The following PPP2R1A variants were observed in gnomAD, a reference collection of about 807,000 sequenced individuals.
The protein encoded by PPP2R1A is serine/threonine-protein phosphatase 2A 65 kDa regulatory subunit A alpha isoform.
A neutral mutation model predicts 67.1 loss-of-function variants in PPP2R1A; 15 were observed. That is an observed-to-expected ratio of 0.22 (90% CI 0.15 to 0.34). PPP2R1A has a LOEUF of 0.34. PPP2R1A is among the 10% of genes least tolerant of loss of function. The probability of loss-of-function intolerance (pLI) is 1.00; values close to 1 mark genes in which losing one functional copy is unlikely to be tolerated. For synonymous variants in PPP2R1A, 337 were observed against 325.0 expected, an observed-to-expected ratio of 1.04 and a Z score of -0.40; for missense variants, 369 against 775.0, an observed-to-expected ratio of 0.48 and a Z score of 6.22.
chr19:52,225,481 C>T (rs1208073114), intron 13 of PPP2R1A, among the ~76,000 whole-genome samples: 1 of 152,178 alleles, frequency 6.6e-6, no homozygotes, highest in Non-Finnish European at 1.5e-5. Context: ...TCAAAATCTT[C>T]TCTTATAGCT....
Position 52,220,248 on chromosome 19 carries a change from T to C in PPP2R1A, c.1362T>C (p.His454=). The C allele has an allele frequency of 1.2e-6, 2 of 1,613,786 alleles. No homozygotes were observed. Among genetic ancestry groups the C allele is most frequent in the Non-Finnish European group, 1.7e-6 (2 of 1,179,806 alleles). ...NSLCMAWLVD[H]VYAIREAATS... Reference sequence around the variant, plus strand: ...TGTGCATGGCCTGGCTTGTGGATCATGGTGAGTACCTTCACAGGAGCAGCA... The same window carrying C: ...TGTGCATGGCCTGGCTTGTGGATCACGGTGAGTACCTTCACAGGAGCAGCA... Residue 454 remains histidine (H), a splice_region_variant and synonymous_variant, in exon 11 of 15, where the codon CAT becomes CAC. Coordinates refer to ENST00000322088, the MANE Select transcript of PPP2R1A (RefSeq NM_014225.6).
intron 12 of PPP2R1A, among the ~76,000 whole-genome samples, chr19:52,221,704 C>T (rs201106674): frequency 7.9e-6 from 1 of 125,976 alleles, no homozygotes; most frequent in African/African-American, 3.2e-5. Context: ...TTTGCTTTTC[C>T]TACGATTATA....
chr19:52,219,898 G>T lies in PPP2R1A; in HGVS notation c.1302+34G>T. ...GGAGGCCTGGGGGCCAGGCAGTGCT[G>T]CCTCAGGGGAGGTGCAGTATGTCCA... On this transcript the variant is annotated intron_variant, in intron 10 of 14. Transcript: ENST00000322088. This position sits in a 1 kb window ranked among gnomAD's most constrained non-coding sequence, Gnocchi z 4.0. 1 of 1,589,346 alleles carries T rather than the reference G, an allele frequency of 6.3e-7. No homozygotes were observed.
chr19:52,208,945 C>G (rs368247460), intron 3 of PPP2R1A, among the ~76,000 whole-genome samples: 19 of 152,302 alleles, frequency 1.2e-4, no homozygotes, highest in African/African-American at 4.6e-4. Flanking sequence ...CCCTTGCCCC[C>G]AGACTTCACA....
In PPP2R1A at chr19:52,194,088, C is replaced by CAAAAAAAAAAAAAAAAAAAAAAAAA. The variant is rs915576804; in HGVS notation, c.78+3938_78+3939insAAAAAAAAAAAAAAAAAAAAAAAAA. 2.8e-4 allele frequency among the ~76,000 whole-genome samples: 17 copies of CAAAAAAAAAAAAAAAAAAAAAAAAA among 60,508 alleles called. 1 individual carries two copies. The highest frequency in any genetic ancestry group is 7.3e-4 in the South Asian group (1 of 1,374). 39.7% of individuals were successfully genotyped at this position (60,508 alleles called of 152,430 possible). A position where few individuals can be genotyped will look rare whatever the true frequency, so the allele number is the denominator to read the frequency against. ...CTGGGCGACAGCAAGACCCTGTCTC[C>CAAAAAAAAAAAAAAAAAAAAAAAAA]AAAAAAAAAAAAAAAAAAAAAAAAG... On this transcript the variant is annotated intron_variant, in intron 1 of 14. Coordinates refer to ENST00000322088, the MANE Select transcript of PPP2R1A (RefSeq NM_014225.6).
intron 10 of PPP2R1A, 85 bp from the exon 11 acceptor site, chr19:52,220,103 GT>G: frequency 6.9e-7 from 1 of 1,443,948 alleles, no homozygotes; most frequent in South Asian, 1.2e-5. Context: ...TCTAGGGTGG[GT>G]GTAGGTTCCA....
chr19:52,201,685 G>A, intron 1 of PPP2R1A: 1 of 484,012 alleles, frequency 2.1e-6, no homozygotes, highest in South Asian at 2.2e-5. Context: ...GTCCTGGAAA[G>A]TGCAACTGAG....
intron 13 of PPP2R1A, 185 bp downstream of exon 13, chr19:52,222,426 A>C: frequency 3.5e-6 from 3 of 862,826 alleles, no homozygotes; most frequent in Non-Finnish European, 4.9e-6. Flanking sequence ...ACAGCATGAA[A>C]TAGAAAGAGG....
At position 52,212,998 on chromosome 19, in the gene PPP2R1A, C is replaced by T; in HGVS notation, c.695C>T (p.Ala232Val). 2.5e-6 allele frequency: 4 copies of T among 1,611,066 alleles called. No homozygotes were observed. Among genetic ancestry groups the T allele is most frequent in the Non-Finnish European group, 3.4e-6 (4 of 1,178,926 alleles). ...GCGGTGGAGGCGTGCGTGAACATCGCCCAGCTTCTGCCCCAGGAGGATCTG... is the reference window on the plus strand; with the variant it reads ...GCGGTGGAGGCGTGCGTGAACATCGTCCAGCTTCTGCCCCAGGAGGATCTG... ...LLAVEACVNI[A>V]QLLPQEDLEA... The change falls in exon 6 of 15, where the codon GCC becomes GTC. Residue 232 changes from alanine to valine, a missense_variant. By Grantham distance (64) the Ala-to-Val change is moderately conservative (BLOSUM62 0). Coordinates refer to ENST00000322088, the MANE Select transcript of PPP2R1A (RefSeq NM_014225.6). This position sits in a 1 kb window ranked among gnomAD's most constrained non-coding sequence, Gnocchi z 4.1.
At position 52,212,853 on chromosome 19, in the gene PPP2R1A, C is replaced by T. The variant is rs2122336334; in HGVS notation, c.651+20C>T. On this transcript the variant is annotated intron_variant, in intron 5 of 14. Coordinates refer to ENST00000322088, the MANE Select transcript of PPP2R1A (RefSeq NM_014225.6). The surrounding 1 kb of genome is among the most constrained non-coding windows in gnomAD (Gnocchi z 4.1). ...GAGCAGGTGAGTTTTGCTTCCTGGC[C>T]CTCTGCTCTCCCGTCCTTCTGGTGG... is the stretch of plus-strand genomic sequence containing the variant. 1 of 1,583,432 alleles carries T rather than the reference C, an allele frequency of 6.3e-7. No individual in the cohort carries two copies. Among genetic ancestry groups the T allele is most frequent in the Non-Finnish European group, 8.6e-7 (1 of 1,162,842 alleles).
chr19:52,205,945 T>G lies in PPP2R1A; in HGVS notation c.170-18T>G. 6.2e-7 allele frequency: 1 copy of G among 1,603,952 alleles called. No homozygotes were observed. Among genetic ancestry groups the G allele is most frequent in the Non-Finnish European group, 8.5e-7 (1 of 1,171,100 alleles). The stretch of plus-strand genomic sequence containing the variant: ...GAGTTGAGATGGGATAGTCACGAAG[T>G]CTGTCTTGGTTCCACAGATACCATC... On this transcript the variant is annotated intron_variant, in intron 2 of 14. Coordinates refer to ENST00000322088, the MANE Select transcript of PPP2R1A (RefSeq NM_014225.6).
intron 1 of PPP2R1A, among the ~76,000 whole-genome samples, chr19:52,198,864 T>C (rs1301487930): frequency 1.3e-5 from 2 of 152,242 alleles, no homozygotes; most frequent in African/African-American, 4.8e-5. Context: ...AGAGCAGTTA[T>C]GAGGATTCAG....
intron 9 of PPP2R1A, among the ~76,000 whole-genome samples, chr19:52,217,725 C>T (rs928237923): frequency 6.6e-6 from 1 of 152,116 alleles, no homozygotes. Flanking sequence ...AGATTCCTCA[C>T]ATGTGCTTGC....
At position 52,213,185 on chromosome 19, in the gene PPP2R1A, G is replaced by A. The variant is rs2089690010; in HGVS notation, c.807+75G>A. 1.4e-6 allele frequency: 2 copies of A among 1,467,430 alleles called. No individual in the cohort carries two copies. Among genetic ancestry groups the A allele is most frequent in the East Asian group, 4.8e-5 (2 of 41,712 alleles). 90.9% of individuals were successfully genotyped at this position (1,467,430 alleles called of 1,614,324 possible). ...CTCAGAAGGGAAGCATATAGGAGCTGAGGTTTCCATTAGGCCGATGGAACC... is the reference window on the plus strand; with the variant it reads ...CTCAGAAGGGAAGCATATAGGAGCTAAGGTTTCCATTAGGCCGATGGAACC... On this transcript the variant is annotated intron_variant, in intron 6 of 14. Coordinates refer to ENST00000322088, the MANE Select transcript of PPP2R1A (RefSeq NM_014225.6). The surrounding 1 kb of genome is among the most constrained non-coding windows in gnomAD (Gnocchi z 4.2).
At chr19:52,221,513 A>G (rs1332520899) in intron 12 of PPP2R1A, among the ~76,000 whole-genome samples, 2 of 152,100 alleles carry the variant, frequency 1.3e-5, no homozygotes. Context: ...GTACTGCCAT[A>G]TATTAGCTAT....
chr19:52,192,871 G>A (rs555483958), intron 1 of PPP2R1A, among the ~76,000 whole-genome samples: 4 of 152,264 alleles, frequency 2.6e-5, no homozygotes, highest in African/African-American at 4.8e-5. Context: ...CCCAGGAACC[G>A]CGAGGTGTTC....
intron 6 of PPP2R1A, among the ~76,000 whole-genome samples, 156 bp from the exon 7 acceptor site, chr19:52,215,623 G>A (rs1173709089): frequency 6.6e-6 from 1 of 152,132 alleles, no homozygotes; most frequent in African/African-American, 2.4e-5. Context: ...GCCTTGCCCC[G>A]GGGCCAGTCT....
rs1464563229 is a variant in PPP2R1A at position 52,198,706 on chromosome 19, G to A, written c.79-3238G>A. Among the ~76,000 whole-genome samples, 4 of 152,178 alleles carry A rather than the reference G, an allele frequency of 2.6e-5. No homozygotes were observed. In the East Asian group the frequency reaches 5.8e-4, roughly 22 times the overall value. ...GAAGCTTCATGATACAAACATTTTT[G>A]CCTAAATGACAGTATGATATTGAAA... is the stretch of plus-strand genomic sequence containing the variant. On this transcript the variant is annotated intron_variant, in intron 1 of 14. Coordinates refer to ENST00000322088, the MANE Select transcript of PPP2R1A (RefSeq NM_014225.6).
chr19:52,205,511 G>A (rs548771337), intron 2 of PPP2R1A, among the ~76,000 whole-genome samples: 11 of 152,232 alleles, frequency 7.2e-5, no homozygotes, highest in Non-Finnish European at 1.5e-4. Context: ...AAGAAGGGGC[G>A]GCTAAACTGA....
Sources: gnomAD v4.1 joint callset for allele counts (sites outside exome capture counted in the v4.1 genomes callset) on GRCh38, gnomAD v4.1.1 for gene constraint, Gnocchi (gnomAD v3.1) non-coding constraint, MANE v1.5 for transcripts, NCBI Gene and HGNC (gene_info 2026-07-23, HGNC 2026-07-21) for gene names.